The following MAGI1 variants were observed in gnomAD, a reference collection of about 807,000 sequenced individuals.
The protein encoded by MAGI1 is membrane associated guanylate kinase, WW and PDZ domain containing 1, also known as membrane-associated guanylate kinase, WW and PDZ domain-containing protein 1.
MAGI1 carries 58 observed loss-of-function variants against 139.9 expected under a neutral mutation model. The ratio of observed to expected loss-of-function variants is 0.41; its 90% CI spans 0.34 to 0.52. The LOEUF is 0.52. MAGI1 is among the 20% of genes least tolerant of loss of function. The pLI is 0.12. For missense variants in MAGI1, 1,874 were observed against 1,901.6 expected, an observed-to-expected ratio of 0.99 and a Z score of 0.27; for synonymous variants, 812 against 737.9, an observed-to-expected ratio of 1.10 and a Z score of -1.63.
At chr3:65,610,831 A>AGTATATATACG (rs1346019103) in intron 2 of MAGI1, among the ~76,000 whole-genome samples, 1 of 140,738 alleles carries the variant, frequency 7.1e-6, no homozygotes, top group African/African-American at 2.6e-5. Flanking sequence ...GTATATATAC[A>AGTATATATACG]GTAGATAGTA....
chr3:65,919,407 T>A (rs996892425), intron 1 of MAGI1, among the ~76,000 whole-genome samples: 3 of 151,402 alleles, frequency 2.0e-5, no homozygotes, highest in African/African-American at 4.9e-5. Context: ...TACAAAAAAA[T>A]TTTTAAATTG....
At chr3:65,677,052 G>A (rs2087240366) in intron 1 of MAGI1, among the ~76,000 whole-genome samples, 1 of 152,106 alleles carries the variant, frequency 6.6e-6, no homozygotes, top group Non-Finnish European at 1.5e-5. Context: ...AAATTTTATG[G>A]TGGAGAGGGA....
chr3:65,992,050 C>T (rs1208326973), intron 1 of MAGI1, among the ~76,000 whole-genome samples: 1 of 151,942 alleles, frequency 6.6e-6, no homozygotes, highest in Non-Finnish European at 1.5e-5. Flanking sequence ...TACATAAATC[C>T]GAATGCCATG....
intron 1 of MAGI1, among the ~76,000 whole-genome samples, chr3:65,826,409 G>A (rs1222927519): frequency 1.3e-5 from 2 of 152,220 alleles, no homozygotes; most frequent in Non-Finnish European, 2.9e-5. Context: ...TGTGTTGAAA[G>A]AGACTGGATA....
chr3:65,742,528 G>A (rs1158918965), intron 1 of MAGI1, among the ~76,000 whole-genome samples: 1 of 152,274 alleles, frequency 6.6e-6, no homozygotes, highest in East Asian at 1.9e-4. Flanking sequence ...CCTCATCGCT[G>A]AAATAAAGAC....
intron 1 of MAGI1, among the ~76,000 whole-genome samples, chr3:65,737,907 G>T (rs11918495): frequency 0.91 from 139,146 of 152,198 alleles, 64,875 homozygotes; most frequent in East Asian, 1. Flanking sequence ...CGCCATTAGC[G>T]CATTAAACCT....
intron 1 of MAGI1, among the ~76,000 whole-genome samples, chr3:65,738,198 G>A (rs568115206): frequency 5.3e-5 from 8 of 152,176 alleles, no homozygotes; most frequent in Non-Finnish European, 1.0e-4. Context: ...CCGCCATAAA[G>A]TGAATATTGC....
chr3:65,363,769 C>T (rs1188425893), intron 20 of MAGI1, among the ~76,000 whole-genome samples, 161 bp from the exon 21 acceptor site: 2 of 152,138 alleles, frequency 1.3e-5, no homozygotes, highest in African/African-American at 4.8e-5. Context: ...AGTCACAGAT[C>T]CAGAATTTGA....
rs1158286140 is a variant in MAGI1, at chr3:65,382,045, G to C, written c.2533C>G (p.Leu845Val). 2 of 1,612,716 alleles carry C rather than the reference G, an allele frequency of 1.2e-6. No homozygotes were observed. Among genetic ancestry groups the C allele is most frequent in the East Asian group, 2.2e-5 (1 of 44,846 alleles). ...CGGCCGTCAGTATCAGCAGCACCCA[G>C]TGGTACGATGTGACCAATATAAATC... Reference protein sequence around the residue: ...EPIYIGHIVPLGAADTDGRLR... With the variant: ...EPIYIGHIVPVGAADTDGRLR... The change falls in exon 16 of 23, where the codon CTG becomes GTG. Residue 845 changes from leucine (L) to valine (V), a missense_variant. Physicochemically the swap from Leu to Val is conservative, Grantham distance 32. Transcript: ENST00000402939.
chr3:65,763,244 C>T (rs1203996108), intron 1 of MAGI1, among the ~76,000 whole-genome samples: 1 of 152,166 alleles, frequency 6.6e-6, no homozygotes, highest in East Asian at 1.9e-4. Context: ...CCTTCATTCT[C>T]CCTACATAAT....
intron 2 of MAGI1, among the ~76,000 whole-genome samples, chr3:65,497,263 T>C (rs1462315472): frequency 1.3e-5 from 2 of 152,096 alleles, no homozygotes; most frequent in Admixed American, 1.3e-4. Context: ...GCCAAGAAGT[T>C]TGGATTGAAC....
intron 1 of MAGI1, among the ~76,000 whole-genome samples, chr3:65,734,536 G>GGAGAGAGAGAAA (rs2034534564): frequency 2.0e-5 from 2 of 99,944 alleles, no homozygotes; most frequent in African/African-American, 5.1e-5. Context: ...AGAGAGAGGG[G>GGAGAGAGAGAAA]GAGAGAGAGA....
chr3:65,852,827 A>G (rs2108401111), intron 1 of MAGI1, among the ~76,000 whole-genome samples: 1 of 152,166 alleles, frequency 6.6e-6, no homozygotes, highest in African/African-American at 2.4e-5. Flanking sequence ...AGCAATCGGC[A>G]AAGTATCAGA....
intron 1 of MAGI1, among the ~76,000 whole-genome samples, chr3:65,738,468 C>T (rs1198746929): frequency 2.0e-5 from 3 of 152,228 alleles, no homozygotes; most frequent in Middle Eastern, 3.2e-3. Context: ...TGAGCCATCA[C>T]ACCCAGCCAC....
At chr3:66,003,321 G>A (rs2066848204) in intron 1 of MAGI1, among the ~76,000 whole-genome samples, 1 of 152,138 alleles carries the variant, frequency 6.6e-6, no homozygotes, top group South Asian at 2.1e-4. Flanking sequence ...CAGCCACAGA[G>A]TAATGGAGAG....
chr3:65,888,816 A>C (rs1210356467), intron 1 of MAGI1, among the ~76,000 whole-genome samples: 3 of 152,184 alleles, frequency 2.0e-5, no homozygotes, highest in Admixed American at 2.0e-4. Context: ...TGAACCACAA[A>C]ATCTGACAGA....
intron 3 of MAGI1, among the ~76,000 whole-genome samples, chr3:65,492,153 T>G (rs1952082692): frequency 6.6e-6 from 1 of 152,258 alleles, no homozygotes; most frequent in Non-Finnish European, 1.5e-5. Context: ...TTAAAGAGTT[T>G]GTAAAGAGAT....
intron 1 of MAGI1, among the ~76,000 whole-genome samples, chr3:65,751,378 G>C (rs930457847): frequency 5.9e-5 from 9 of 152,172 alleles, no homozygotes; most frequent in African/African-American, 2.2e-4. Flanking sequence ...CCCATTGTGT[G>C]GCAGGGTCAG....
intron 2 of MAGI1, among the ~76,000 whole-genome samples, chr3:65,605,196 A>G (rs1205460787): frequency 6.6e-6 from 1 of 152,222 alleles, no homozygotes; most frequent in Non-Finnish European, 1.5e-5. Flanking sequence ...ACAAGACCAC[A>G]TCCACTTATC....
Sources: gnomAD v4.1 joint callset for allele counts (sites outside exome capture counted in the v4.1 genomes callset) on GRCh38, gnomAD v4.1.1 for gene constraint, MANE v1.5 for transcripts, NCBI Gene and HGNC (gene_info 2026-07-23, HGNC 2026-07-21) for gene names.